CYP7B1: variants seen among roughly 807,000 people sequenced by gnomAD.
CYP7B1 encodes the protein cytochrome P450 family 7 subfamily B member 1.
In CYP7B1, 29 loss-of-function variants were observed where a neutral mutation model predicts 42.7. The observed-to-expected ratio is 0.68, with a 90% CI of 0.51 to 0.93. CYP7B1 has a LOEUF of 0.93. Among genes scored for constraint, CYP7B1 ranks in the 40% least tolerant of loss-of-function variants. The pLI, the probability that CYP7B1 is intolerant of heterozygous loss-of-function variation, is 0.00. For missense variants in CYP7B1, 655 were observed against 600.5 expected (o/e 1.09, Z -0.95); for synonymous variants, 235 against 218.2 (o/e 1.08, Z -0.68).
intron 1 of CYP7B1, among the ~76,000 whole-genome samples, chr8:64,638,947 G>A (rs1003307546): frequency 2.0e-5 from 3 of 152,036 alleles, no homozygotes; most frequent in Non-Finnish European, 4.4e-5. Context: ...CCACCCTTTA[G>A]AAGGCAGATG....
chr8:64,773,383 T>A (rs1001501255), intron 1 of CYP7B1, among the ~76,000 whole-genome samples: 1 of 152,216 alleles, frequency 6.6e-6, no homozygotes, highest in Admixed American at 6.5e-5. Flanking sequence ...AGCTTCAGGA[T>A]CGCAGATAAA....
intron 1 of CYP7B1, among the ~76,000 whole-genome samples, chr8:64,698,446 C>A (rs572478715): frequency 1.3e-5 from 2 of 152,124 alleles, no homozygotes; most frequent in African/African-American, 2.4e-5. Flanking sequence ...GAATTCACCA[C>A]GCGACCCTGC....
chr8:64,756,111 T>C (rs1326083475), intron 1 of CYP7B1, among the ~76,000 whole-genome samples: 1 of 152,166 alleles, frequency 6.6e-6, no homozygotes, highest in African/African-American at 2.4e-5. Flanking sequence ...GCTTCCATGG[T>C]AGTGCCCAAT....
chr8:64,601,372 C>A (rs943180319), intron 5 of CYP7B1, among the ~76,000 whole-genome samples: 2 of 152,164 alleles, frequency 1.3e-5, no homozygotes, highest in African/African-American at 4.8e-5. Flanking sequence ...AAATGTCTGA[C>A]GTTTTTTCCC....
chr8:64,718,765 A>C (rs1807194409), intron 1 of CYP7B1, among the ~76,000 whole-genome samples: 1 of 152,220 alleles, frequency 6.6e-6, no homozygotes, highest in Non-Finnish European at 1.5e-5. Flanking sequence ...ATATGGGCTA[A>C]GGGTCACATT....
chr8:64,596,720 T>C lies in CYP7B1; in HGVS notation c.1443A>G (p.Gly481=). The change falls in exon 6 of 6, where the codon GGA becomes GGG. Residue 481 remains glycine (G), a synonymous_variant. Coordinates refer to ENST00000310193, the MANE Select transcript of CYP7B1 (RefSeq NM_004820.5). ...CAAACAACAAGCGGCTGTAGTTTAG[T>C]CCTATGGGCTTATCATCAATTATTT... is the stretch of plus-strand genomic sequence containing the variant. ...DLEIIDDKPI[G]LNYSRLLFGI... is the part of the protein sequence containing the mutation. 1 of 1,613,844 alleles carries C rather than the reference T, an allele frequency of 6.2e-7. No individual in the cohort carries two copies. The highest frequency in any genetic ancestry group is 1.7e-5 in the Admixed American group (1 of 59,982).
chr8:64,633,996 A>C (rs1805734197), intron 1 of CYP7B1, among the ~76,000 whole-genome samples: 1 of 152,236 alleles, frequency 6.6e-6, no homozygotes, highest in South Asian at 2.1e-4. Context: ...AAATGCAAAG[A>C]GAAAAGTCTG....
chr8:64,614,983 G>C, intron 4 of CYP7B1, 43 bp downstream of exon 4: 1 of 1,602,706 alleles, frequency 6.2e-7, no homozygotes, highest in Non-Finnish European at 8.5e-7. Flanking sequence ...CGAGTTTGCA[G>C]AGAGGTACCT....
At chr8:64,625,226 G>A (rs1313069952) in intron 1 of CYP7B1, among the ~76,000 whole-genome samples, 1 of 151,966 alleles carries the variant, frequency 6.6e-6, no homozygotes, top group Non-Finnish European at 1.5e-5. Context: ...GCCCAACTCG[G>A]CCTCCCGAAG....
In CYP7B1 at chr8:64,797,687, C is replaced by T. The variant is rs924395517; in HGVS notation, c.122+779G>A. Among the ~76,000 whole-genome samples, 15 of 152,248 alleles carry T rather than the reference C, an allele frequency of 9.9e-5. 1 individual carries two copies. The highest frequency in any genetic ancestry group is 9.1e-4 in the Admixed American group (14 of 15,306). ...ATACATATGTATGCAAATATACATA[C>T]ATATATCAATTATCATCCAACAAAA... On this transcript the variant is annotated intron_variant, in intron 1 of 5. Transcript: ENST00000310193.
chr8:64,707,448 T>C (rs1031061845), intron 1 of CYP7B1, among the ~76,000 whole-genome samples: 1 of 152,106 alleles, frequency 6.6e-6, no homozygotes, highest in African/African-American at 2.4e-5. Context: ...GGCACTTCCT[T>C]TCTTTTGAGT....
intron 1 of CYP7B1, among the ~76,000 whole-genome samples, chr8:64,784,302 T>C (rs1804484206): frequency 6.6e-6 from 1 of 152,190 alleles, no homozygotes; most frequent in African/African-American, 2.4e-5. Context: ...AAATACTTAA[T>C]AAGTCCTTTA....
In CYP7B1 at chr8:64,736,908, G is replaced by A. The variant is rs1585885833; in HGVS notation, c.122+61558C>T. On this transcript the variant is annotated intron_variant, in intron 1 of 5. Transcript: ENST00000310193. The stretch of plus-strand genomic sequence containing the variant: ...TAAATTTTTACCTAGTAATACTTGA[G>A]GCTGAACTGTAAAATCTCTAAGGAC... Among the ~76,000 whole-genome samples the A allele has an allele frequency of 1.3e-5, 2 of 152,130 alleles. 1 individual carries two copies. Among genetic ancestry groups the A allele is most frequent in the South Asian group, 4.1e-4 (2 of 4,822 alleles).
intron 1 of CYP7B1, among the ~76,000 whole-genome samples, chr8:64,757,574 C>G (rs1807826258): frequency 6.6e-6 from 1 of 152,186 alleles, no homozygotes; most frequent in South Asian, 2.1e-4. Context: ...TGGTCAGTGT[C>G]CTATGTGGCA....
intron 1 of CYP7B1, among the ~76,000 whole-genome samples, chr8:64,725,727 T>C (rs1807313289): frequency 6.6e-6 from 1 of 152,204 alleles, no homozygotes; most frequent in Admixed American, 6.5e-5. Flanking sequence ...ACACACTTCT[T>C]AGATATCTTT....
At chr8:64,757,159 T>C (rs1010835465) in intron 1 of CYP7B1, among the ~76,000 whole-genome samples, 21 of 152,168 alleles carry the variant, frequency 1.4e-4, no homozygotes, top group African/African-American at 5.1e-4. Context: ...AATATGGGCT[T>C]AGGAATCAGC....
chr8:64,655,462 C>T (rs112708174), intron 1 of CYP7B1, among the ~76,000 whole-genome samples: 9,994 of 152,090 alleles, frequency 0.066, 399 homozygotes, highest in South Asian at 0.17. Context: ...AAATCAAAAC[C>T]GCAATGAGAT....
intron 1 of CYP7B1, among the ~76,000 whole-genome samples, chr8:64,770,195 G>T (rs1398242327): frequency 6.6e-6 from 1 of 152,068 alleles, no homozygotes; most frequent in African/African-American, 2.4e-5. Context: ...AATCATAGAT[G>T]AGACCAACCG....
At chr8:64,762,717 C>A (rs937367379) in intron 1 of CYP7B1, among the ~76,000 whole-genome samples, 118 of 152,292 alleles carry the variant, frequency 7.7e-4, no homozygotes, top group African/African-American at 2.8e-3. Flanking sequence ...AAGTTCAAAT[C>A]TCTCCAATCA....
Sources: allele counts gnomAD v4.1 joint callset (sites outside exome capture counted in the v4.1 genomes callset), GRCh38; gene constraint gnomAD v4.1.1; transcripts MANE v1.5; gene names NCBI Gene and HGNC (gene_info 2026-07-23, HGNC 2026-07-21).